Variants in INTS6 observed in about 807,000 individuals in gnomAD.
INTS6 encodes the protein DEAD box protein.
In INTS6, 16 loss-of-function variants were observed where a neutral mutation model predicts 104.9. The observed-to-expected ratio is 0.15, with a 90% CI of 0.10 to 0.23. The LOEUF (loss-of-function observed/expected upper bound fraction) is 0.23, where lower values mean the gene tolerates loss of function less well. Among genes scored for constraint, INTS6 ranks in the 10% least tolerant of loss-of-function variants. The pLI, the probability that INTS6 is intolerant of heterozygous loss-of-function variation, is 1.00. For synonymous variants in INTS6, 324 were observed against 358.7 expected, an observed-to-expected ratio of 0.90 and a Z score of 1.09; for missense variants, 584 against 1,062.8, an observed-to-expected ratio of 0.55 and a Z score of 6.26.
chr13:51,344,600 G>C, the INTS6 span: 1 of 798,124 alleles, frequency 1.3e-6, no homozygotes, highest in East Asian at 2.7e-5. Flanking sequence ...TACAGCAGAA[G>C]TCTGTCCTCT....
the INTS6 span, among the ~76,000 whole-genome samples, chr13:51,342,297 G>T: frequency 7.2e-5 from 11 of 152,134 alleles, 2 homozygotes; most frequent in East Asian, 1.9e-4. Flanking sequence ...CCCTGTGGGT[G>T]AGCAGGGCAG....
rs150777049 is a variant in INTS6, at chr13:51,375,267, G to A, written c.1730-471C>T. Among the ~76,000 whole-genome samples, 617 of 150,586 alleles carry A rather than the reference G, an allele frequency of 4.1e-3. 6 individuals are homozygous for A. The highest frequency in any genetic ancestry group is 0.015 in the African/African-American group (594 of 40,870). ...ACTAGGGAGGCTAAGGAGGAGAATC[G>A]CTTGAACCCAGGATGCGGAGGTTGC... On this transcript the variant is annotated intron_variant, in intron 13 of 17. Coordinates refer to ENST00000311234, the MANE Select transcript of INTS6 (RefSeq NM_012141.3).
intron 4 of INTS6, among the ~76,000 whole-genome samples, chr13:51,403,093 CATT>C (rs1261648052): frequency 6.6e-6 from 1 of 152,096 alleles, no homozygotes; most frequent in African/African-American, 2.4e-5. Context: ...AATTCTCATA[CATT>C]ATTACTTATT....
intron 4 of INTS6, among the ~76,000 whole-genome samples, chr13:51,429,785 A>AAAAAAAAAAAAAAAAAAATAT (rs1156333077): frequency 1.1e-5 from 1 of 92,358 alleles, no homozygotes; most frequent in African/African-American, 4.6e-5. Flanking sequence ...AAAAAAAAAA[A>AAAAAAAAAAAAAAAAAAATAT]ATATATATAT....
rs1356361841 is a variant in INTS6, at chr13:51,452,699, A to G, written c.-174T>C. The G allele has an allele frequency of 2.2e-6, 3 of 1,370,134 alleles. No individual in the cohort carries two copies. The African/African-American group carries it at 4.6e-5, about 21-fold the overall frequency. The allele number at this position is 1,370,134 out of a possible 1,614,324, so 84.9% of individuals were successfully genotyped here. ...CGGGGAGTTTCTCCCCCGATAGTTG[A>G]GAGGAAACTCCCCAGACCCAGTGCT... On this transcript the variant is annotated 5_prime_UTR_variant, in exon 1 of 18. Transcript: ENST00000311234. The surrounding 1 kb of genome is among the most constrained non-coding windows in gnomAD (Gnocchi z 4.2).
chr13:51,423,175 GA>G, intron 4 of INTS6: 1 of 465,822 alleles, frequency 2.1e-6, no homozygotes, highest in South Asian at 2.3e-5. Flanking sequence ...GTATCACAAG[GA>G]AAACTGTTGC....
chr13:51,368,426 T>C (rs1955735226), intron 16 of INTS6, among the ~76,000 whole-genome samples: 1 of 152,146 alleles, frequency 6.6e-6, no homozygotes, highest in Non-Finnish European at 1.5e-5. Context: ...AAGTGATCTG[T>C]TAACATCCTC....
At chr13:51,433,291 A>G (rs541616716) in intron 3 of INTS6, among the ~76,000 whole-genome samples, 53 of 152,334 alleles carry the variant, frequency 3.5e-4, no homozygotes, top group Non-Finnish European at 5.7e-4. Flanking sequence ...ATGAAAAAAT[A>G]CAAAAATTAG....
rs1955620907 is a variant in INTS6 at position 51,363,369 on chromosome 13, C to CAACA, written c.*2379_*2382dup. The CAACA allele has an allele frequency of 6.6e-6, 1 of 151,922 alleles. No homozygotes were observed. The highest frequency in any genetic ancestry group is 1.5e-5 in the Non-Finnish European group (1 of 67,894). The allele number at this position is 151,922 out of a possible 1,614,324, so 9.4% of individuals were successfully genotyped here. A position where few individuals can be genotyped will look rare whatever the true frequency, so the allele number is the denominator to read the frequency against. ...CTGGGAGGCATTAGCCTACATCACA[C>CAACA]AACACAGTGGCTGCTCTTCTGGTGA... On this transcript the variant is annotated 3_prime_UTR_variant, in exon 18 of 18. Coordinates refer to ENST00000311234, the MANE Select transcript of INTS6 (RefSeq NM_012141.3).
At chr13:51,360,216 G>A (rs990271439), downstream of INTS6, among the ~76,000 whole-genome samples, 2 of 152,008 alleles carry the variant, frequency 1.3e-5, no homozygotes, top group Non-Finnish European at 2.9e-5. Flanking sequence ...CACACAATAT[G>A]TGTTCATCAA....
chr13:51,345,552 G>T, the INTS6 span, among the ~76,000 whole-genome samples: 1 of 131,384 alleles, frequency 7.6e-6, no homozygotes, highest in African/African-American at 2.8e-5. Context: ...CTGAGACTGC[G>T]TCACTGCACT....
chr13:51,412,130 C>G (rs1318402221), intron 4 of INTS6, among the ~76,000 whole-genome samples: 1 of 152,098 alleles, frequency 6.6e-6, no homozygotes, highest in Non-Finnish European at 1.5e-5. Flanking sequence ...TGACAGAAAG[C>G]AGGTCAGTTG....
chr13:51,412,170 G>A (rs1463369680), intron 4 of INTS6, among the ~76,000 whole-genome samples: 3 of 152,108 alleles, frequency 2.0e-5, no homozygotes, highest in African/African-American at 7.2e-5. Flanking sequence ...ACTACAAAGG[G>A]AAATGAGAAA....
At chr13:51,338,598 A>G in the INTS6 span, among the ~76,000 whole-genome samples, 24 of 152,198 alleles carry the variant, frequency 1.6e-4, no homozygotes, top group Non-Finnish European at 2.9e-4. Flanking sequence ...TCTGGGTGCT[A>G]TAGAATAAGT....
chr13:51,417,477 C>T (rs1159095388), intron 4 of INTS6, among the ~76,000 whole-genome samples: 2 of 111,846 alleles, frequency 1.8e-5, no homozygotes, highest in Admixed American at 1.1e-4. Flanking sequence ...TTTTTTGAGA[C>T]GGAGTCTTGC....
At chr13:51,393,433 A>G (rs1383877323) in intron 5 of INTS6, among the ~76,000 whole-genome samples, 2 of 152,222 alleles carry the variant, frequency 1.3e-5, no homozygotes, top group Non-Finnish European at 2.9e-5. Context: ...ATATTTGGAT[A>G]GTGCAATACC....
chr13:51,393,276 C>A (rs1049708883), intron 5 of INTS6, among the ~76,000 whole-genome samples: 7 of 152,076 alleles, frequency 4.6e-5, no homozygotes, highest in African/African-American at 1.7e-4. Flanking sequence ...CGGGGTTTCA[C>A]CATGTTGGCC....
At position 51,452,999 on chromosome 13, in the gene INTS6, G is replaced by A. The variant is rs890950723; in HGVS notation, c.-474C>T. ...TCAGGGACTCCCTCCGCACCCCGGC[G>A]GTGTCACCACTTTCTCAGCCCCTCT... On this transcript the variant is annotated 5_prime_UTR_variant, in exon 1 of 18. Transcript: ENST00000311234. The surrounding 1 kb of genome is among the most constrained non-coding windows in gnomAD (Gnocchi z 4.2). 1.1e-4 allele frequency: 110 copies of A among 1,007,634 alleles called. No homozygotes were observed. The highest frequency in any genetic ancestry group is 1.2e-4 in the Non-Finnish European group (101 of 843,456). 62.4% of individuals were successfully genotyped at this position (1,007,634 alleles called of 1,614,324 possible). A position where few individuals can be genotyped will look rare whatever the true frequency, so the allele number is the denominator to read the frequency against.
At chr13:51,360,266 T>G (rs948732918), downstream of INTS6, among the ~76,000 whole-genome samples, 2 of 151,846 alleles carry the variant, frequency 1.3e-5, no homozygotes, top group African/African-American at 4.8e-5. Context: ...TACCTCCCAG[T>G]GGCATGTTGG....
Sources: allele counts gnomAD v4.1 joint callset (sites outside exome capture counted in the v4.1 genomes callset), GRCh38; gene constraint gnomAD v4.1.1; non-coding constraint Gnocchi (gnomAD v3.1); transcripts MANE v1.5; gene names NCBI Gene and HGNC (gene_info 2026-07-23, HGNC 2026-07-21).